The following PEX14 variants were observed in gnomAD, a reference collection of about 807,000 sequenced individuals.
PEX14 encodes peroxisomal biogenesis factor 14.
Under a neutral mutation model 49.5 loss-of-function variants are expected in PEX14, and 15 were observed. The ratio of observed to expected loss-of-function variants is 0.30; its 90% confidence interval spans 0.20 to 0.47. The LOEUF (loss-of-function observed/expected upper bound fraction) is 0.47. Ranked by LOEUF, PEX14 falls within the 20% of genes least tolerant of loss-of-function variation. PEX14 has a pLI of 1.00. For missense variants in PEX14, 398 were observed against 494.8 expected (o/e 0.80, Z 1.86); for synonymous variants, 210 against 212.7 (o/e 0.99, Z 0.11).
chr1:10,516,872 A>G lies in PEX14; in HGVS notation c.85-19341A>G, dbSNP rs553965029. On this transcript the variant is annotated intron_variant, in intron 2 of 8. Transcript: ENST00000356607. Reference sequence around the variant, plus strand: ...CCCGAGGTCACGGGCTGTCCTTGGGATGTGCTCAGATTCTTCTCTAGACCT... The same window carrying G: ...CCCGAGGTCACGGGCTGTCCTTGGGGTGTGCTCAGATTCTTCTCTAGACCT... Among the ~76,000 whole-genome samples, 4 of 152,146 alleles carry G rather than the reference A, an allele frequency of 2.6e-5. No homozygotes were observed. The South Asian group carries it at 6.2e-4, about 24-fold the overall frequency.
At chr1:10,619,952 A>G (rs1641542042) in intron 5 of PEX14, among the ~76,000 whole-genome samples, 1 of 151,928 alleles carries the variant, frequency 6.6e-6, no homozygotes, top group African/African-American at 2.4e-5. Flanking sequence ...CGACTCTACT[A>G]AAAATACAAA....
chr1:10,488,998 G>T (rs947704379), intron 1 of PEX14, among the ~76,000 whole-genome samples: 1 of 151,830 alleles, frequency 6.6e-6, no homozygotes, highest in Non-Finnish European at 1.5e-5. Flanking sequence ...TTATGTTTTT[G>T]AGACTGAGTT....
At chr1:10,503,392 C>T (rs554231653) in intron 2 of PEX14, among the ~76,000 whole-genome samples, 148 of 150,432 alleles carry the variant, frequency 9.8e-4, no homozygotes, top group African/African-American at 3.4e-3. Context: ...CAACAGTCAG[C>T]GGTTTTCAAA....
At position 10,595,000 on chromosome 1, in the gene PEX14, TAATC is replaced by T. The variant is rs552077996; in HGVS notation, c.170-4234_170-4231del. ...TGCAGCAGTGACACTGGGGTTTTATTAATCAATAGGATGTAGCTCACTTGTTCTG... is the reference window on the plus strand; with the variant it reads ...TGCAGCAGTGACACTGGGGTTTTATTAATAGGATGTAGCTCACTTGTTCTG... On this transcript the variant is annotated intron_variant, in intron 3 of 8. Transcript: ENST00000356607. Among the ~76,000 whole-genome samples the T allele has an allele frequency of 7.9e-5, 12 of 152,168 alleles. No individual in the cohort carries two copies. In the East Asian group the frequency reaches 2.3e-3, roughly 29 times the overall value.
intron 2 of PEX14, among the ~76,000 whole-genome samples, chr1:10,511,351 C>T (rs1057150436): frequency 1.3e-5 from 2 of 152,106 alleles, no homozygotes; most frequent in East Asian, 1.9e-4. Flanking sequence ...CCCTTCCTTC[C>T]TGCCTCCCCC....
At chr1:10,577,562 ATTTTTTTTTTT>A (rs1164876121) in intron 3 of PEX14, among the ~76,000 whole-genome samples, 16 of 6,232 alleles carry the variant, frequency 2.6e-3, no homozygotes, top group Admixed American at 3.7e-3. Flanking sequence ...ATATATATAT[ATTTTTTTTTTT>A]TTTTTTTTTT....
intron 2 of PEX14, among the ~76,000 whole-genome samples, chr1:10,521,782 A>T (rs1421049712): frequency 6.6e-6 from 1 of 152,184 alleles, no homozygotes; most frequent in African/African-American, 2.4e-5. Flanking sequence ...GCCCCTTCTC[A>T]TTATATACTT....
intron 3 of PEX14, among the ~76,000 whole-genome samples, chr1:10,577,410 C>CA (rs70997256): frequency 0.32 from 32,185 of 99,144 alleles, 7,504 homozygotes; most frequent in South Asian, 0.45. Context: ...AAAAAAAAAC[C>CA]AAAAAAAAAA....
chr1:10,515,237 T>C (rs986187817), intron 2 of PEX14, among the ~76,000 whole-genome samples: 9 of 152,146 alleles, frequency 5.9e-5, no homozygotes, highest in Admixed American at 3.3e-4. Context: ...ACTCTGACTT[T>C]TTTTTTTTTC....
At chr1:10,602,553 A>G (rs1641016946) in intron 4 of PEX14, among the ~76,000 whole-genome samples, 1 of 152,194 alleles carries the variant, frequency 6.6e-6, no homozygotes, top group African/African-American at 2.4e-5. Flanking sequence ...TTTATTTGAC[A>G]TGCGATTAGT....
rs531845544 is a variant in PEX14, at chr1:10,533,422, G to T, written c.85-2791G>T. ...ATTTTTGCAAGTTTGAAGTGTGCCG[G>T]GACTTTGTCAAATTCCCGTTAAAAT... is the stretch of plus-strand genomic sequence containing the variant. On this transcript the variant is annotated intron_variant, in intron 2 of 8. Transcript: ENST00000356607. Among the ~76,000 whole-genome samples the T allele has an allele frequency of 5.3e-4, 80 of 152,020 alleles. 1 individual carries two copies. Among genetic ancestry groups the T allele is most frequent in the African/African-American group, 1.8e-3 (75 of 41,438 alleles).
intron 1 of PEX14, among the ~76,000 whole-genome samples, chr1:10,490,494 G>C (rs1424810089): frequency 6.6e-6 from 1 of 152,164 alleles, no homozygotes; most frequent in Non-Finnish European, 1.5e-5. Context: ...GCAGGAGTGA[G>C]AGCACCTTTG....
At chr1:10,555,217 C>CAA (rs1239808692) in intron 3 of PEX14, among the ~76,000 whole-genome samples, 2 of 151,898 alleles carry the variant, frequency 1.3e-5, no homozygotes, top group Non-Finnish European at 2.9e-5. Flanking sequence ...TGGGCTTTTA[C>CAA]CTCTCCTATC....
intron 3 of PEX14, among the ~76,000 whole-genome samples, chr1:10,556,485 G>A (rs35072232): frequency 1.4e-4 from 21 of 152,218 alleles, no homozygotes; most frequent in Non-Finnish European, 2.5e-4. Context: ...CACTGGGGAC[G>A]CTGGCGACAG....
chr1:10,485,299 GTTTTTTTT>G (rs941970919), intron 1 of PEX14, among the ~76,000 whole-genome samples: 1 of 100,698 alleles, frequency 9.9e-6, no homozygotes, highest in South Asian at 3.1e-4. Flanking sequence ...TTTGTGTGTG[GTTTTTTTT>G]TTTTTTTTTT....
At chr1:10,477,289 C>G (rs1641212639) in intron 1 of PEX14, among the ~76,000 whole-genome samples, 1 of 152,064 alleles carries the variant, frequency 6.6e-6, no homozygotes, top group African/African-American at 2.4e-5. Context: ...CCAGGATGGT[C>G]TTGATCTCCT....
At chr1:10,530,824 C>T (rs1289063698) in intron 2 of PEX14, among the ~76,000 whole-genome samples, 1 of 152,152 alleles carries the variant, frequency 6.6e-6, no homozygotes, top group African/African-American at 2.4e-5. Context: ...TTCATTTTGG[C>T]AGCTGGGGAA....
intron 1 of PEX14, among the ~76,000 whole-genome samples, chr1:10,490,997 G>GTT (rs148792563): frequency 8.1e-5 from 11 of 135,890 alleles, no homozygotes; most frequent in Non-Finnish European, 8.1e-5. Flanking sequence ...GCCCGGCCTT[G>GTT]TTTTTTTTTT....
At position 10,597,389 on chromosome 1, in the gene PEX14, G is replaced by A. The variant is rs753966106; in HGVS notation, c.170-1849G>A. Among the ~76,000 whole-genome samples, 11 of 152,148 alleles carry A rather than the reference G, an allele frequency of 7.2e-5. No homozygotes were observed. The highest frequency in any genetic ancestry group is 1.9e-4 in the East Asian group (1 of 5,186). On this transcript the variant is annotated intron_variant, in intron 3 of 8. Coordinates refer to ENST00000356607, the MANE Select transcript of PEX14 (RefSeq NM_004565.3). The surrounding 1 kb of genome is among the most constrained non-coding windows in gnomAD (Gnocchi z 5.7). Reference sequence around the variant, plus strand: ...AAGGGGTTCCCCTTCCTGTTTAGTCGGAGCGATCGGCAGTCACTACACAGG... The same window carrying A: ...AAGGGGTTCCCCTTCCTGTTTAGTCAGAGCGATCGGCAGTCACTACACAGG...
Sources: allele counts gnomAD v4.1 joint callset (sites outside exome capture counted in the v4.1 genomes callset), GRCh38; gene constraint gnomAD v4.1.1; non-coding constraint Gnocchi (gnomAD v3.1); transcripts MANE v1.5; gene names NCBI Gene and HGNC (gene_info 2026-07-23, HGNC 2026-07-21).